Variants in NCALD observed in about 807,000 individuals in gnomAD.
The protein encoded by NCALD is neurocalcin-delta.
In NCALD, 10 loss-of-function variants were observed where a neutral mutation model predicts 18.6. The observed-to-expected ratio is 0.54, with a 90% CI of 0.33 to 0.91. The LOEUF (loss-of-function observed/expected upper bound fraction) is 0.91, where lower values mean the gene tolerates loss of function less well. Among genes scored for constraint, NCALD ranks in the 40% least tolerant of loss-of-function variants. The pLI is 0.03. For synonymous variants in NCALD, 88 were observed against 87.4 expected (o/e 1.01, Z -0.04); for missense variants, 184 against 247.6 (o/e 0.74, Z 1.72).
intron 4 of NCALD, among the ~76,000 whole-genome samples, chr8:101,801,950 A>G (rs774561903): frequency 4.7e-5 from 7 of 150,360 alleles, no homozygotes; most frequent in South Asian, 2.1e-4. Context: ...ACAGGCGTGA[A>G]CCACCGCGCC....
intron 1 of NCALD, among the ~76,000 whole-genome samples, chr8:102,043,721 G>A (rs1823138035): frequency 6.7e-6 from 1 of 149,470 alleles, no homozygotes. Flanking sequence ...AGGGGACAGG[G>A]AGGGGGAGGA....
intron 4 of NCALD, among the ~76,000 whole-genome samples, chr8:101,881,358 AAC>A (rs1396809902): frequency 1.3e-5 from 2 of 152,170 alleles, no homozygotes; most frequent in African/African-American, 4.8e-5. Flanking sequence ...ACAGTGACAG[AAC>A]ACATTCTTCC....
chr8:101,837,727 T>C (rs1814470969), intron 4 of NCALD, among the ~76,000 whole-genome samples: 1 of 152,176 alleles, frequency 6.6e-6, no homozygotes, highest in Non-Finnish European at 1.5e-5. Context: ...GGGAAATTAC[T>C]ATGGACCTTT....
rs562298709 is a variant in NCALD, at chr8:101,689,099, T to C, written c.*210A>G. 4 of 703,832 alleles carry C rather than the reference T, an allele frequency of 5.7e-6. No individual in the cohort carries two copies. In the South Asian group the frequency reaches 5.9e-5, roughly 10 times the overall value. 43.6% of individuals were successfully genotyped at this position (703,832 alleles called of 1,614,324 possible). On this transcript the variant is annotated 3_prime_UTR_variant, in exon 4 of 4. Transcript: ENST00000220931. This position sits in a 1 kb window ranked among gnomAD's most constrained non-coding sequence, Gnocchi z 4.4. ...CAATGAACACCACGAAGTCTGTCCA[T>C]GCTCTCCACAAGCACACTGGGGCTC... is the stretch of plus-strand genomic sequence containing the variant.
chr8:101,812,048 T>C (rs1349469102), intron 4 of NCALD, among the ~76,000 whole-genome samples: 4 of 152,194 alleles, frequency 2.6e-5, no homozygotes, highest in African/African-American at 9.7e-5. Context: ...TACACAGCTA[T>C]CCTGGGAACC....
Position 102,036,147 on chromosome 8 carries a change from T to TAAATAAATAAATAAATA in NCALD, c.-209-15859_-209-15858insTATTTATTTATTTATTT, listed in dbSNP as rs1264046653. Among the ~76,000 whole-genome samples, 23 of 145,632 alleles carry TAAATAAATAAATAAATA rather than the reference T, an allele frequency of 1.6e-4. 1 individual carries two copies. The highest frequency in any genetic ancestry group is 2.4e-4 in the Non-Finnish European group (16 of 67,454). On this transcript the variant is annotated intron_variant, in intron 1 of 6. Coordinates refer to the NCALD transcript ENST00000311028. ...TACAAAAATAAATAAATAAATAAAT[T>TAAATAAATAAATAAATA]AATTAATTAATTAAATTAGCCAGGT...
intron 1 of NCALD, among the ~76,000 whole-genome samples, chr8:101,756,502 G>C (rs1407204345): frequency 3.9e-5 from 6 of 152,200 alleles, no homozygotes; most frequent in Admixed American, 3.3e-4. Flanking sequence ...GTGCAGGGTA[G>C]ACCAATGAGA....
chr8:101,701,693 C>A (rs1419187698), intron 2 of NCALD, among the ~76,000 whole-genome samples: 1 of 152,168 alleles, frequency 6.6e-6, no homozygotes, highest in Non-Finnish European at 1.5e-5. Flanking sequence ...AGTTAACACT[C>A]AACCTGTTTT....
chr8:101,912,256 A>G (rs1203817585), intron 3 of NCALD, among the ~76,000 whole-genome samples: 1 of 152,188 alleles, frequency 6.6e-6, no homozygotes, highest in African/African-American at 2.4e-5. Context: ...ACAAGCATTA[A>G]AAAAACTAAG....
intron 4 of NCALD, among the ~76,000 whole-genome samples, chr8:101,864,664 G>C (rs1815691058): frequency 6.9e-6 from 1 of 144,820 alleles, no homozygotes; most frequent in Non-Finnish European, 1.5e-5. Flanking sequence ...GCACGATCTT[G>C]ACTCACTGCA....
intron 1 of NCALD, among the ~76,000 whole-genome samples, chr8:101,737,773 C>G (rs528701228): frequency 1.6e-4 from 25 of 152,308 alleles, no homozygotes; most frequent in African/African-American, 6.0e-4. Context: ...GCACTGAGTG[C>G]ACCTATGGAG....
At chr8:102,062,456 C>T (rs1183355214) in intron 1 of NCALD, among the ~76,000 whole-genome samples, 1 of 152,226 alleles carries the variant, frequency 6.6e-6, no homozygotes, top group African/African-American at 2.4e-5. Context: ...TTGTTGTTCA[C>T]TATTGTAGCC....
chr8:101,817,152 G>C (rs1271383965), intron 4 of NCALD, among the ~76,000 whole-genome samples: 1 of 151,938 alleles, frequency 6.6e-6, no homozygotes, highest in African/African-American at 2.4e-5. Flanking sequence ...AACCCAAACC[G>C]AGCCCTTCTG....
intron 2 of NCALD, among the ~76,000 whole-genome samples, chr8:102,017,449 C>T (rs979926357): frequency 2.6e-5 from 4 of 152,248 alleles, no homozygotes; most frequent in Admixed American, 6.5e-5. Flanking sequence ...CGCGGTGGCT[C>T]ACGCCTATAA....
Position 101,892,408 on chromosome 8 carries a change from G to A in NCALD, c.-106-5181C>T, listed in dbSNP as rs546683513. Among the ~76,000 whole-genome samples the A allele has an allele frequency of 8.0e-5, 12 of 149,114 alleles. 1 individual carries two copies. Among genetic ancestry groups the A allele is most frequent in the South Asian group, 2.1e-4 (1 of 4,798 alleles). On this transcript the variant is annotated intron_variant, in intron 3 of 6. Transcript: ENST00000311028. ...CAAAAGTAGATAAAACCACAAAGAC[G>A]GGGAAAAAACAAAACAGAAAAACTG...
intron 1 of NCALD, among the ~76,000 whole-genome samples, chr8:101,762,591 C>CT (rs577820477): frequency 0.023 from 3,192 of 140,502 alleles, 98 homozygotes; most frequent in Admixed American, 0.084. Context: ...ACAAAGTCTA[C>CT]TTTTTTTTTT....
chr8:102,082,226 C>CTTTTTTTTTTT (rs757875219), intron 1 of NCALD, among the ~76,000 whole-genome samples: 12 of 71,866 alleles, frequency 1.7e-4, no homozygotes, highest in African/African-American at 2.7e-4. Flanking sequence ...GAAGCTCTCT[C>CTTTTTTTTTTT]TTTTTTTTTT....
intron 1 of NCALD, among the ~76,000 whole-genome samples, chr8:101,735,912 C>T (rs967474697): frequency 2.0e-5 from 3 of 152,194 alleles, no homozygotes; most frequent in African/African-American, 7.2e-5. Flanking sequence ...CAATCCTGTT[C>T]AAACATCAGG....
rs1013634217 is a variant in NCALD, at chr8:101,690,582, C to T, written c.485-1176G>A. ...CCTGACAGGAGGGGGCCTCCCCCAA[C>T]AGAAACACCAACAAACATATCTTCT... On this transcript the variant is annotated intron_variant, in intron 3 of 3. Coordinates refer to ENST00000220931, the MANE Select transcript of NCALD (RefSeq NM_032041.3). 4.9e-5 allele frequency: 48 copies of T among 985,320 alleles called. No individual in the cohort carries two copies. In the African/African-American group the frequency reaches 6.6e-4, roughly 14 times the overall value. The allele number at this position is 985,320 out of a possible 1,614,324, so 61.0% of individuals were successfully genotyped here.
Sources: allele counts gnomAD v4.1 joint callset (sites outside exome capture counted in the v4.1 genomes callset), GRCh38; gene constraint gnomAD v4.1.1; non-coding constraint Gnocchi (gnomAD v3.1); transcripts MANE v1.5; gene names NCBI Gene and HGNC (gene_info 2026-07-23, HGNC 2026-07-21).